The following RFX8 variants were observed in gnomAD, a reference collection of about 807,000 sequenced individuals.
RFX8 encodes the protein regulatory factor X8.
In RFX8, 46 loss-of-function variants were observed where a neutral mutation model predicts 54.6. The ratio of observed to expected loss-of-function variants is 0.84; its 90% confidence interval spans 0.67 to 1.08. The LOEUF (loss-of-function observed/expected upper bound fraction) is 1.08, where lower values mean the gene tolerates loss of function less well. Among genes scored for constraint, RFX8 ranks in the 50% least tolerant of loss-of-function variants. The pLI is 0.00. For missense variants in RFX8, 536 were observed against 562.3 expected, an observed-to-expected ratio of 0.95 and a Z score of 0.47; for synonymous variants, 192 against 209.5, an observed-to-expected ratio of 0.92 and a Z score of 0.72.
At chr2:101,401,160 G>A (rs1040246918) in intron 11 of RFX8, among the ~76,000 whole-genome samples, 5 of 152,176 alleles carry the variant, frequency 3.3e-5, no homozygotes, top group African/African-American at 9.7e-5. Flanking sequence ...AGAGAGCACC[G>A]AATGCAGCTG....
Position 101,422,609 on chromosome 2 carries a change from T to C in RFX8, c.73-137A>G, listed in dbSNP as rs1686931328. ...GCCACACCTCTGCACACATTACTGATTCCAGCAGCTTTCCTCTCATATTGT... is the reference window on the plus strand; with the variant it reads ...GCCACACCTCTGCACACATTACTGACTCCAGCAGCTTTCCTCTCATATTGT... On this transcript the variant is annotated intron_variant, in intron 2 of 11. Transcript: ENST00000428343. The C allele has an allele frequency of 5.2e-6, 3 of 580,152 alleles. No homozygotes were observed. In the East Asian group the frequency reaches 8.7e-5, roughly 17 times the overall value. 35.9% of individuals were successfully genotyped at this position (580,152 alleles called of 1,614,324 possible).
rs1023852578 is a variant in RFX8, at chr2:101,421,786, A to G, written c.184-9T>C. 2 of 1,543,730 alleles carry G rather than the reference A, an allele frequency of 1.3e-6. No individual in the cohort carries two copies. The highest frequency in any genetic ancestry group is 1.8e-6 in the Non-Finnish European group (2 of 1,141,312). On this transcript the variant is annotated splice_polypyrimidine_tract_variant and intron_variant, in intron 3 of 11. Coordinates refer to ENST00000428343, the MANE Select transcript of RFX8 (RefSeq NM_001145664.2). ...TCAGCAAGGAAGGCCATCTAGGAAG[A>G]ATATGGAAAATTATTTCAGCATGTG...
At chr2:101,432,540 G>A (rs1367111597) in intron 2 of RFX8, among the ~76,000 whole-genome samples, 2 of 152,226 alleles carry the variant, frequency 1.3e-5, no homozygotes, top group Admixed American at 6.5e-5. Context: ...CAGGTGCAGG[G>A]AGCGTGAGGC....
In RFX8 at chr2:101,418,892, C is replaced by T; in HGVS notation, c.310G>A (p.Val104Met). 3.2e-6 allele frequency: 5 copies of T among 1,551,604 alleles called. No individual in the cohort carries two copies. The highest frequency in any genetic ancestry group is 4.4e-6 in the Non-Finnish European group (5 of 1,146,806). ...DTVMLMSLPDVCQLFKCYDVQ... is the reference protein window; with the variant it reads ...DTVMLMSLPDMCQLFKCYDVQ... The stretch of plus-strand genomic sequence containing the variant: ...TCGTAGCATTTAAAGAGCTGGCACA[C>T]GTCAGGCAATGACATCAGCATGACT... The change falls in exon 5 of 12, where the codon GTG becomes ATG. Residue 104 changes from valine to methionine, a missense_variant. Coordinates refer to ENST00000428343, the MANE Select transcript of RFX8 (RefSeq NM_001145664.2).
rs530479866 is a variant in RFX8 at position 101,468,232 on chromosome 2, C to T, written c.-52-1332G>A. 5.3e-5 allele frequency among the ~76,000 whole-genome samples: 8 copies of T among 152,296 alleles called. No individual in the cohort carries two copies. The South Asian group carries it at 1.7e-3, about 32-fold the overall frequency. On this transcript the variant is annotated intron_variant, in intron 1 of 11. Transcript: ENST00000428343. ...CTCAAACAACAGAAATGTATTCTCA[C>T]AGTTCTGGAAGCTGGAAGCTTAAAA...
intron 2 of RFX8, among the ~76,000 whole-genome samples, chr2:101,465,785 T>C (rs1390367238): frequency 6.6e-6 from 1 of 151,978 alleles, no homozygotes; most frequent in East Asian, 1.9e-4. Flanking sequence ...TACAGAAAAA[T>C]AAAAGCCAAC....
Position 101,456,991 on chromosome 2 carries a change from G to A in RFX8, c.72+9786C>T, listed in dbSNP as rs1026697146. On this transcript the variant is annotated intron_variant, in intron 2 of 11. Coordinates refer to ENST00000428343, the MANE Select transcript of RFX8 (RefSeq NM_001145664.2). ...CTTCTAGATTTTCTAGTTTATTTGC[G>A]TAGAGGTGTTTATACTATTCTCTGA... 3.0e-4 allele frequency among the ~76,000 whole-genome samples: 46 copies of A among 152,252 alleles called. 1 individual carries two copies. Among genetic ancestry groups the A allele is most frequent in the Non-Finnish European group, 3.1e-4 (21 of 68,006 alleles).
At chr2:101,432,984 T>C (rs1687572447) in intron 2 of RFX8, among the ~76,000 whole-genome samples, 1 of 152,212 alleles carries the variant, frequency 6.6e-6, no homozygotes, top group Non-Finnish European at 1.5e-5. Context: ...AAGCCAACCC[T>C]TACCTAGGAT....
At chr2:101,419,045 GC>G in intron 4 of RFX8, 81 bp from the exon 5 acceptor site, 1 of 690,556 alleles carries the variant, frequency 1.4e-6, no homozygotes, top group Admixed American at 2.5e-5. Flanking sequence ...TACTTCCTTA[GC>G]CCCAGATGAC....
In RFX8 at chr2:101,412,971, G is replaced by T; in HGVS notation, c.662C>A (p.Ala221Asp). 6.4e-7 allele frequency: 1 copy of T among 1,551,862 alleles called. No homozygotes were observed. ...NQGTLATSKK[A>D]LASDRSGADE... ...TGCGCCACTCCGGTCACTTGCCAGG[G>T]CTTTCTTAGAAGTAGCCAAAGTGCC... Residue 221 changes from alanine (A) to aspartate (D), a missense_variant, in exon 8 of 12, where the codon GCC becomes GAC. By Grantham distance (126) the Ala-to-Asp change is moderately radical. Coordinates refer to ENST00000428343, the MANE Select transcript of RFX8 (RefSeq NM_001145664.2).
At chr2:101,450,647 G>T (rs1351435701) in intron 2 of RFX8, 2 of 1,513,206 alleles carry the variant, frequency 1.3e-6, no homozygotes, top group East Asian at 2.5e-5. Flanking sequence ...AGAAGAAAGA[G>T]CTTTTCTTGA....
intron 6 of RFX8, among the ~76,000 whole-genome samples, chr2:101,415,619 ACG>A (rs533457985): frequency 0.44 from 25,644 of 57,728 alleles, 2,441 homozygotes; most frequent in Non-Finnish European, 0.54. Flanking sequence ...CTCCTCTTGA[ACG>A]CATTCATTCA....
chr2:101,459,958 A>C (rs1405212841), intron 2 of RFX8, among the ~76,000 whole-genome samples: 1 of 150,734 alleles, frequency 6.6e-6, no homozygotes, highest in South Asian at 2.1e-4. Flanking sequence ...GCCCCGCCCC[A>C]CCCCCCACCT....
Position 101,405,950 on chromosome 2 carries a change from A to G in RFX8, c.921T>C (p.Asp307=), listed in dbSNP as rs749068517. ...VSKAMTLCHR[D]SFGSWHLFHL... The stretch of plus-strand genomic sequence containing the variant: ...TCTTATTCTCTGACTTACCAAAACT[A>G]TCTCTGTGGCAGAGGGTCATGGCTT... The change falls in exon 10 of 12, where the codon GAT becomes GAC. Residue 307 remains aspartate, a synonymous_variant. Transcript: ENST00000428343. 39 of 1,523,846 alleles carry G rather than the reference A, an allele frequency of 2.6e-5. No individual in the cohort carries two copies. The highest frequency in any genetic ancestry group is 7.0e-5 in the African/African-American group (5 of 71,922). The allele number at this position is 1,523,846 out of a possible 1,614,324, so 94.4% of individuals were successfully genotyped here. A position where few individuals can be genotyped will look rare whatever the true frequency, so the allele number is the denominator to read the frequency against.
chr2:101,452,126 A>C (rs567971033), intron 2 of RFX8, among the ~76,000 whole-genome samples: 150 of 152,356 alleles, frequency 9.8e-4, no homozygotes, highest in African/African-American at 3.3e-3. Context: ...AGAATGAGAC[A>C]TTTACCTAAC....
intron 2 of RFX8, among the ~76,000 whole-genome samples, chr2:101,448,374 A>T (rs1337854249): frequency 6.6e-6 from 1 of 152,112 alleles, no homozygotes; most frequent in African/African-American, 2.4e-5. Flanking sequence ...GTACAGGACG[A>T]AGCCCATGCC....
intron 2 of RFX8, among the ~76,000 whole-genome samples, chr2:101,436,302 A>G (rs886763352): frequency 1.3e-5 from 2 of 152,152 alleles, no homozygotes; most frequent in Non-Finnish European, 2.9e-5. Flanking sequence ...ATCCTGGTTC[A>G]TGGCCAAATC....
At chr2:101,453,276 C>CA (rs1484424864) in intron 2 of RFX8, among the ~76,000 whole-genome samples, 167 of 107,730 alleles carry the variant, frequency 1.6e-3, no homozygotes, top group Admixed American at 2.5e-3. Context: ...GACTCTGTCT[C>CA]AAAAAAAAAT....
At chr2:101,412,419 G>A (rs1686193231) in intron 8 of RFX8, among the ~76,000 whole-genome samples, 1 of 152,190 alleles carries the variant, frequency 6.6e-6, no homozygotes, top group African/African-American at 2.4e-5. Context: ...CCTGCTTCCT[G>A]TCACTTGTTT....
Sources: gnomAD v4.1 joint callset for allele counts (sites outside exome capture counted in the v4.1 genomes callset) on GRCh38, gnomAD v4.1.1 for gene constraint, MANE v1.5 for transcripts, NCBI Gene and HGNC (gene_info 2026-07-23, HGNC 2026-07-21) for gene names.